The following ZNF638 variants were observed in gnomAD, a reference collection of about 807,000 sequenced individuals.
ZNF638 encodes the protein zinc finger protein 638, also known as CTCL tumor antigen se33-1.
In ZNF638, 46 loss-of-function variants were observed where a neutral mutation model predicts 195.6. The observed-to-expected ratio is 0.24, with a 90% CI of 0.19 to 0.30. The LOEUF (loss-of-function observed/expected upper bound fraction) is 0.30. Among genes scored for constraint, ZNF638 ranks in the 10% least tolerant of loss-of-function variants. ZNF638 has a pLI of 1.00. For synonymous variants in ZNF638, 845 were observed against 772.0 expected, an observed-to-expected ratio of 1.09 and a Z score of -1.57; for missense variants, 2,440 against 2,325.3, an observed-to-expected ratio of 1.05 and a Z score of -1.01.
chr2:71,341,602 A>G (rs1409515600), intron 1 of ZNF638: 1 of 152,206 alleles, frequency 6.6e-6, no homozygotes, highest in Non-Finnish European at 1.5e-5. Context: ...TTACTTACAT[A>G]ACTAGGAATA....
At chr2:71,397,130 C>T (rs2079908873) in intron 11 of ZNF638, among the ~76,000 whole-genome samples, 1 of 152,178 alleles carries the variant, frequency 6.6e-6, no homozygotes, top group African/African-American at 2.4e-5. Flanking sequence ...TTTATTTTGC[C>T]AACACTTTGA....
chr2:71,344,260 C>T (rs1040923194), intron 1 of ZNF638, among the ~76,000 whole-genome samples: 3 of 152,188 alleles, frequency 2.0e-5, no homozygotes, highest in Non-Finnish European at 2.9e-5. Flanking sequence ...AAAGCCTTTA[C>T]GTAGTAGTGT....
At chr2:71,381,957 GAAA>G (rs921718200) in intron 10 of ZNF638, among the ~76,000 whole-genome samples, 1 of 152,020 alleles carries the variant, frequency 6.6e-6, no homozygotes, top group African/African-American at 2.4e-5. Flanking sequence ...ATCCCACTGA[GAAA>G]AAACAGCTGG....
At chr2:71,343,646 A>C (rs2078801643) in intron 1 of ZNF638, among the ~76,000 whole-genome samples, 1 of 152,198 alleles carries the variant, frequency 6.6e-6, no homozygotes, top group African/African-American at 2.4e-5. Flanking sequence ...TAACCATGTG[A>C]ATTGAGGCCT....
intron 20 of ZNF638, among the ~76,000 whole-genome samples, chr2:71,410,983 T>TC (rs34472889): frequency 0.11 from 5,166 of 47,622 alleles, 891 homozygotes; most frequent in African/African-American, 0.2. Flanking sequence ...ACCCACCACC[T>TC]CCCCCCCCCT....
At chr2:71,381,255 T>C (rs1051819500) in intron 10 of ZNF638, among the ~76,000 whole-genome samples, 1 of 152,106 alleles carries the variant, frequency 6.6e-6, no homozygotes, top group African/African-American at 2.4e-5. Context: ...TTTTGTATGT[T>C]CTGTTTGGGG....
At chr2:71,408,037 A>T in intron 19 of ZNF638, 85 bp from the exon 20 acceptor site, 1 of 1,329,274 alleles carries the variant, frequency 7.5e-7, no homozygotes, top group Non-Finnish European at 1.0e-6. Flanking sequence ...GGTGTATACT[A>T]AAAAGTGGAA....
intron 5 of ZNF638, 128 bp downstream of exon 5, chr2:71,364,380 C>T: frequency 1.0e-6 from 1 of 987,176 alleles, no homozygotes; most frequent in Non-Finnish European, 1.4e-6. Flanking sequence ...ATCTGACCCA[C>T]ATGCCACAGA....
At chr2:71,418,699 C>T in intron 21 of ZNF638, 60 bp downstream of exon 21, 2 of 1,201,396 alleles carry the variant, frequency 1.7e-6, no homozygotes, top group East Asian at 2.6e-5. Flanking sequence ...AATTTTATTG[C>T]TGTATTTTAT....
At chr2:71,360,546 C>A (rs2079091833) in intron 3 of ZNF638, among the ~76,000 whole-genome samples, 1 of 151,944 alleles carries the variant, frequency 6.6e-6, no homozygotes, top group African/African-American at 2.4e-5. Flanking sequence ...TCTAGAATAG[C>A]CTACTCTTTG....
intron 20 of ZNF638, among the ~76,000 whole-genome samples, chr2:71,410,288 C>A (rs1046912190): frequency 6.6e-6 from 1 of 152,118 alleles, no homozygotes; most frequent in African/African-American, 2.4e-5. Flanking sequence ...TGGGCTTAAG[C>A]GATCCTCTCA....
intron 1 of ZNF638, chr2:71,334,400 AGAGACT>A (rs1413572001): frequency 6.6e-6 from 1 of 152,214 alleles, no homozygotes; most frequent in Non-Finnish European, 1.5e-5. Flanking sequence ...TAGTGGTTTT[AGAGACT>A]CTCCAAATTG....
At position 71,398,763 on chromosome 2, in the gene ZNF638, A is replaced by G. The variant is rs192756054; in HGVS notation, c.2491A>G (p.Ile831Val). Residue 831 changes from isoleucine (I) to valine (V), a missense_variant, in exon 12 of 28, where the codon ATC becomes GTC. Physicochemically the swap from Ile to Val is conservative, Grantham distance 29. Transcript: ENST00000264447. Reference sequence around the variant, plus strand: ...AGCTGTTAAAGGTAATAAAGCTTCAATCAAAACAGGTAAGACTATTGGGGA... The same window carrying G: ...AGCTGTTAAAGGTAATAAAGCTTCAGTCAAAACAGGTAAGACTATTGGGGA... ...TVAVKGNKASIKTAKSGGKKS... is the reference protein window; with the variant it reads ...TVAVKGNKASVKTAKSGGKKS... The G allele has an allele frequency of 9.3e-6, 15 of 1,612,658 alleles. No individual in the cohort carries two copies. The East Asian group carries it at 1.8e-4, about 19-fold the overall frequency.
chr2:71,356,942 C>CT (rs1459687707), intron 3 of ZNF638, among the ~76,000 whole-genome samples: 1 of 152,108 alleles, frequency 6.6e-6, no homozygotes, highest in African/African-American at 2.4e-5. Context: ...TAGCTGTTGT[C>CT]TTTTGCATTG....
In ZNF638 at chr2:71,349,911, T is replaced by C. The variant is rs1485302941; in HGVS notation, c.957T>C (p.Val319=). The stretch of plus-strand genomic sequence containing the variant: ...TCAACCAATCCATTAACCAAACAGT[T>C]AGCCAGACAATGAGTCAATCTCTGA... The part of the protein sequence containing the change: ...KSVNQSINQT[V]SQTMSQSLIP... The change falls in exon 2 of 28, where the codon GTT becomes GTC. Residue 319 remains valine (V), a synonymous_variant. Coordinates refer to ENST00000264447, the MANE Select transcript of ZNF638 (RefSeq NM_014497.5). 3 of 1,614,092 alleles carry C rather than the reference T, an allele frequency of 1.9e-6. No homozygotes were observed. Among genetic ancestry groups the C allele is most frequent in the Admixed American group, 1.7e-5 (1 of 60,010 alleles).
intron 20 of ZNF638, 36 bp from the exon 21 acceptor site, chr2:71,418,566 G>T: frequency 7.0e-7 from 1 of 1,424,816 alleles, no homozygotes; most frequent in Non-Finnish European, 9.4e-7. Context: ...CAAATCCAGT[G>T]GAATAGCCTC....
At chr2:71,353,170 A>T (rs1206063922) in intron 2 of ZNF638, among the ~76,000 whole-genome samples, 2 of 152,240 alleles carry the variant, frequency 1.3e-5, no homozygotes, top group African/African-American at 2.4e-5. Context: ...AGTAAATCTG[A>T]CAATATGTAT....
At chr2:71,429,011 AT>A (rs760672169) in intron 25 of ZNF638, 7 of 170,570 alleles carry the variant, frequency 4.1e-5, no homozygotes, top group Non-Finnish European at 7.6e-5. Flanking sequence ...CGTTTATAAA[AT>A]TTAACTTGAA....
Position 71,431,389 on chromosome 2 carries a change from T to C in ZNF638, c.5713T>C (p.Ser1905Pro). The C allele has an allele frequency of 6.2e-7, 1 of 1,614,020 alleles. No individual in the cohort carries two copies. Among genetic ancestry groups the C allele is most frequent in the South Asian group, 1.1e-5 (1 of 91,080 alleles). ...PERKRKKTED[S>P]SSGKSVASDV... is the part of the protein sequence containing the mutation. ...GCGAAAACGCAAGAAGACTGAAGAC[T>C]CTTCTTCAGGCAAATCAGTGGCGTC... The change falls in exon 26 of 28, where the codon TCT becomes CCT. Residue 1905 changes from serine to proline, a missense_variant. Ser to Pro is a moderately conservative substitution (Grantham distance 74). Transcript: ENST00000264447.
Sources: allele counts gnomAD v4.1 joint callset (sites outside exome capture counted in the v4.1 genomes callset), GRCh38; gene constraint gnomAD v4.1.1; transcripts MANE v1.5; gene names NCBI Gene and HGNC (gene_info 2026-07-23, HGNC 2026-07-21).